WDFY4: variants seen among roughly 807,000 people sequenced by gnomAD.
WDFY4 encodes the protein WDFY family member 4.
In WDFY4, 169 loss-of-function variants were observed where a neutral mutation model predicts 351.9. That is an observed-to-expected ratio of 0.48 (90% confidence interval 0.42 to 0.55). The LOEUF (loss-of-function observed/expected upper bound fraction) is 0.55, where lower values mean the gene tolerates loss of function less well. Among genes scored for constraint, WDFY4 ranks in the 20% least tolerant of loss-of-function variants. WDFY4 has a pLI of 0.00. For missense variants in WDFY4, 3,803 were observed against 3,935.6 expected (o/e 0.97, Z 0.90); for synonymous variants, 1,622 against 1,574.6 (o/e 1.03, Z -0.71).
chr10:48,979,595 A>C (rs1192092618), intron 60 of WDFY4: 1 of 151,692 alleles, frequency 6.6e-6, no homozygotes, highest in Non-Finnish European at 1.5e-5. Context: ...GGATGGATGG[A>C]TGGATGGATG....
At chr10:48,897,711 C>G in intron 45 of WDFY4, 137 bp downstream of exon 45, 1 of 1,352,032 alleles carries the variant, frequency 7.4e-7, no homozygotes, top group African/African-American at 1.5e-5. Flanking sequence ...CTTAAGGAGA[C>G]ACCCGCAAGT....
chr10:48,930,813 A>C (rs1232006304), intron 47 of WDFY4, among the ~76,000 whole-genome samples: 1 of 152,202 alleles, frequency 6.6e-6, no homozygotes, highest in Non-Finnish European at 1.5e-5. Flanking sequence ...TTTCCCAAAA[A>C]TGTCAAAAGG....
intron 19 of WDFY4, among the ~76,000 whole-genome samples, chr10:48,784,524 T>G (rs1012181715): frequency 6.8e-6 from 1 of 146,254 alleles, no homozygotes; most frequent in Non-Finnish European, 1.5e-5. Flanking sequence ...CTAATTGCAT[T>G]GTTTGCTTTT....
chr10:48,956,157 T>C (rs573848946), intron 51 of WDFY4, among the ~76,000 whole-genome samples: 1 of 152,272 alleles, frequency 6.6e-6, no homozygotes, highest in African/African-American at 2.4e-5. Context: ...GCTGAAGAGT[T>C]TGACAATTCA....
intron 1 of WDFY4, among the ~76,000 whole-genome samples, chr10:48,686,307 T>G (rs1347388501): frequency 9.5e-6 from 1 of 104,966 alleles, no homozygotes; most frequent in African/African-American, 3.8e-5. Flanking sequence ...ACGATGAAAC[T>G]CCATCTCCAA....
chr10:48,873,946 G>A (rs906083288), intron 41 of WDFY4, among the ~76,000 whole-genome samples: 5 of 152,144 alleles, frequency 3.3e-5, no homozygotes, highest in African/African-American at 1.2e-4. Flanking sequence ...AGTGTTGAGT[G>A]GTGAGTGGTT....
At chr10:48,976,154 G>A (rs528792125) in intron 58 of WDFY4, among the ~76,000 whole-genome samples, 3 of 152,340 alleles carry the variant, frequency 2.0e-5, no homozygotes, top group African/African-American at 7.2e-5. Flanking sequence ...CCAGTGAGAT[G>A]TGGAGGGGCA....
intron 51 of WDFY4, among the ~76,000 whole-genome samples, chr10:48,953,167 C>G (rs942461527): frequency 6.6e-6 from 1 of 151,880 alleles, no homozygotes; most frequent in African/African-American, 2.4e-5. Context: ...GTTGCCTTCC[C>G]CATGCACACT....
At position 48,792,006 on chromosome 10, in the gene WDFY4, C is replaced by T. The variant is rs573720001; in HGVS notation, c.4257+1089C>T. Among the ~76,000 whole-genome samples the T allele has an allele frequency of 2.0e-5, 3 of 152,232 alleles. No homozygotes were observed. In the East Asian group the frequency reaches 5.8e-4, roughly 29 times the overall value. ...AAAACCTTCAAAGGCATCTGATTAC[C>T]GATACCATATCCCAAACTCCCTAGA... On this transcript the variant is annotated intron_variant, in intron 23 of 61. Coordinates refer to ENST00000325239, the MANE Select transcript of WDFY4 (RefSeq NM_001394531.1).
At chr10:48,728,291 C>T (rs11101442) in intron 7 of WDFY4, among the ~76,000 whole-genome samples, 43,856 of 152,164 alleles carry the variant, frequency 0.29, 7,074 homozygotes, top group South Asian at 0.43. Flanking sequence ...GCTCAGACAC[C>T]GTTCAGCAGG....
chr10:48,747,920 A>T (rs1055307133), intron 12 of WDFY4, among the ~76,000 whole-genome samples: 1 of 152,226 alleles, frequency 6.6e-6, no homozygotes, highest in Admixed American at 6.5e-5. Context: ...ATCCTCATTC[A>T]GGCCATTCTG....
chr10:48,936,016 GA>G (rs1840337887), intron 47 of WDFY4, among the ~76,000 whole-genome samples: 1 of 151,558 alleles, frequency 6.6e-6, no homozygotes, highest in South Asian at 2.1e-4. Context: ...AAAAAAATTT[GA>G]AAATGTATAT....
intron 1 of WDFY4, among the ~76,000 whole-genome samples, chr10:48,703,687 A>G (rs1326036875): frequency 6.6e-6 from 1 of 152,130 alleles, no homozygotes; most frequent in Middle Eastern, 3.2e-3. Context: ...TGAGACTCCC[A>G]ACTCTGCAAA....
Position 48,820,923 on chromosome 10 carries a change from C to T in WDFY4, c.5710-139C>T, listed in dbSNP as rs191518229. On this transcript the variant is annotated intron_variant, in intron 33 of 61. Transcript: ENST00000325239. Reference sequence around the variant, plus strand: ...AGCTCAGTCACAGAGGGTGGGCCCCCAGAGAAGGGAAAATTGTGAGCAGCC... The same window carrying T: ...AGCTCAGTCACAGAGGGTGGGCCCCTAGAGAAGGGAAAATTGTGAGCAGCC... 1.8e-3 allele frequency: 1,142 copies of T among 646,554 alleles called. 2 individuals carry two copies. Among genetic ancestry groups the T allele is most frequent in the Middle Eastern group, 3.2e-3 (8 of 2,510 alleles). The allele number at this position is 646,554 out of a possible 1,614,324, so 40.1% of individuals were successfully genotyped here. A position where few individuals can be genotyped will look rare whatever the true frequency, so the allele number is the denominator to read the frequency against.
intron 1 of WDFY4, among the ~76,000 whole-genome samples, chr10:48,687,439 A>T (rs542799969): frequency 6.6e-6 from 1 of 152,102 alleles, no homozygotes; most frequent in Non-Finnish European, 1.5e-5. Flanking sequence ...TTGTAAAATT[A>T]TTCTCATATT....
chr10:48,861,457 T>C (rs1325998802), intron 39 of WDFY4, among the ~76,000 whole-genome samples: 2 of 152,226 alleles, frequency 1.3e-5, no homozygotes, highest in Admixed American at 1.3e-4. Context: ...GGGATATTTT[T>C]GCTGGATATA....
intron 39 of WDFY4, among the ~76,000 whole-genome samples, chr10:48,857,481 C>A (rs1008697679): frequency 1.3e-5 from 2 of 150,218 alleles, no homozygotes; most frequent in African/African-American, 4.9e-5. Flanking sequence ...AATTTCAACA[C>A]GGGAAAAAAA....
intron 13 of WDFY4, among the ~76,000 whole-genome samples, chr10:48,766,903 T>C (rs2065690225): frequency 2.0e-5 from 3 of 152,158 alleles, no homozygotes; most frequent in Admixed American, 2.0e-4. Context: ...GTGAATACAG[T>C]AGTCAGTGGT....
Position 48,810,717 on chromosome 10 carries a change from G to A in WDFY4, c.5026G>A (p.Gly1676Ser), listed in dbSNP as rs1326620598. The A allele has an allele frequency of 6.5e-7, 1 of 1,542,122 alleles. No individual in the cohort carries two copies. The highest frequency in any genetic ancestry group is 1.2e-5 in the South Asian group (1 of 82,926). ...ATCCTGGGTGGAACGCAGCACTGAGGGCGTGGATATTGTAATGGGTGAGCA... is the reference window on the plus strand; with the variant it reads ...ATCCTGGGTGGAACGCAGCACTGAGAGCGTGGATATTGTAATGGGTGAGCA... ...AGSWVERSTEGVDIVMDNLKS... is the reference protein window; with the variant it reads ...AGSWVERSTESVDIVMDNLKS... Residue 1676 changes from glycine (G) to serine (S), a missense_variant, in exon 29 of 62, where the codon GGC becomes AGC. Physicochemically the swap from Gly to Ser is moderately conservative, Grantham distance 56. This residue lies in a region of WDFY4 where 3,054 missense variants were observed against 3,148.6 expected (regional missense o/e 0.97). Coordinates refer to ENST00000325239, the MANE Select transcript of WDFY4 (RefSeq NM_001394531.1).
Sources: gnomAD v4.1 joint callset for allele counts (sites outside exome capture counted in the v4.1 genomes callset) on GRCh38, gnomAD v4.1.1 for gene constraint, gnomAD v4.1.1 regional missense constraint, MANE v1.5 for transcripts, NCBI Gene and HGNC (gene_info 2026-07-23, HGNC 2026-07-21) for gene names.